The following SHANK1 variants were observed in gnomAD, a reference collection of about 807,000 sequenced individuals.
SHANK1 encodes SH3 and multiple ankyrin repeat domains 1.
SHANK1 carries 35 observed loss-of-function variants against 165.6 expected under a neutral mutation model. That is an observed-to-expected ratio of 0.21 (90% confidence interval 0.16 to 0.28). SHANK1 has a LOEUF of 0.28. Among genes scored for constraint, SHANK1 ranks in the 10% least tolerant of loss-of-function variants. The pLI is 1.00. For missense variants in SHANK1, 2,681 were observed against 3,036.4 expected (o/e 0.88, Z 2.75); for synonymous variants, 1,428 against 1,384.8 (o/e 1.03, Z -0.69).
chr19:50,693,991 C>T (rs1456797180), intron 15 of SHANK1, among the ~76,000 whole-genome samples: 1 of 151,370 alleles, frequency 6.6e-6, no homozygotes, highest in Non-Finnish European at 1.5e-5. Flanking sequence ...CAGCCGCAGT[C>T]CCTGGGACAG....
At position 50,717,110 on chromosome 19, in the gene SHANK1, C is replaced by G; in HGVS notation, c.-43-148G>C. 1 of 568,592 alleles carries G rather than the reference C, an allele frequency of 1.8e-6. No individual in the cohort carries two copies. The highest frequency in any genetic ancestry group is 2.7e-6 in the Non-Finnish European group (1 of 367,902). The allele number at this position is 568,592 out of a possible 1,614,324, so 35.2% of individuals were successfully genotyped here. A position where few individuals can be genotyped will look rare whatever the true frequency, so the allele number is the denominator to read the frequency against. ...AGGCTGGACACACCCTCGGCCTGCA[C>G]GGCCTCCCCTGCCGCCTCCTCCCAC... is the stretch of plus-strand genomic sequence containing the variant. On this transcript the variant is annotated intron_variant, in intron 1 of 23. Transcript: ENST00000293441. This position sits in a 1 kb window ranked among gnomAD's most constrained non-coding sequence, Gnocchi z 5.5.
rs558600220 is a variant in SHANK1 at position 50,690,720 on chromosome 19, G to A, written c.1965-1441C>T. Among the ~76,000 whole-genome samples, 13 of 151,710 alleles carry A rather than the reference G, an allele frequency of 8.6e-5. No individual in the cohort carries two copies. In the South Asian group the frequency reaches 1.7e-3, roughly 20 times the overall value. ...GTCCTCGAATACTCCAGTATGTTTCGGCAACCCCCACACATCCCAGTATGT... is the reference window on the plus strand; with the variant it reads ...GTCCTCGAATACTCCAGTATGTTTCAGCAACCCCCACACATCCCAGTATGT... On this transcript the variant is annotated intron_variant, in intron 15 of 23. Transcript: ENST00000293441. This position sits in a 1 kb window ranked among gnomAD's most constrained non-coding sequence, Gnocchi z 4.9.
chr19:50,703,050 C>G (rs2088887685), intron 11 of SHANK1, among the ~76,000 whole-genome samples: 1 of 152,156 alleles, frequency 6.6e-6, no homozygotes, highest in African/African-American at 2.4e-5. Context: ...TCGGGACACG[C>G]CTGGCTGGCC....
Position 50,697,912 on chromosome 19 carries a change from C to T in SHANK1, c.1792G>A (p.Gly598Ser), listed in dbSNP as rs776203540. 6 of 1,614,116 alleles carry T rather than the reference C, an allele frequency of 3.7e-6. No homozygotes were observed. The highest frequency in any genetic ancestry group is 5.1e-6 in the Non-Finnish European group (6 of 1,180,006). Residue 598 changes from glycine to serine, a missense_variant, in exon 13 of 24, where the codon GGT (glycine) becomes AGT (serine). Coordinates refer to ENST00000293441, the MANE Select transcript of SHANK1 (RefSeq NM_016148.5). The surrounding 1 kb of genome is among the most constrained non-coding windows in gnomAD (Gnocchi z 4.7). ...TCAGAGGGGAACCAGCCAACACGAC[C>T]TTTGACCTGGCCTTCCCAGAAGCCT... ...EGGFWEGQVK[G>S]RVGWFPSDCL...
rs1018557218 is a variant in SHANK1 at position 50,716,979 on chromosome 19, C to T, written c.-43-17G>A. 7.2e-6 allele frequency: 10 copies of T among 1,394,624 alleles called. No individual in the cohort carries two copies. Among genetic ancestry groups the T allele is most frequent in the South Asian group, 3.4e-5 (2 of 59,094 alleles). 86.4% of individuals were successfully genotyped at this position (1,394,624 alleles called of 1,614,324 possible). On this transcript the variant is annotated splice_polypyrimidine_tract_variant and intron_variant, in intron 1 of 23. Coordinates refer to ENST00000293441, the MANE Select transcript of SHANK1 (RefSeq NM_016148.5). The surrounding 1 kb of genome is among the most constrained non-coding windows in gnomAD (Gnocchi z 8.4). ...CACAGGCGGCTGCAGGGGCCAAGGG[C>T]GGCCATCAGACTAGGAGCCCGGGAC... is the stretch of plus-strand genomic sequence containing the variant.
At chr19:50,709,534 C>T (rs2088983722) in intron 8 of SHANK1, among the ~76,000 whole-genome samples, 2 of 151,690 alleles carry the variant, frequency 1.3e-5, no homozygotes, top group African/African-American at 2.4e-5. Context: ...ACTAAGAAAA[C>T]TCTGCCTGCT....
rs551408867 is a variant in SHANK1 at position 50,686,631 on chromosome 19, C to T, written c.2458+113G>A. The T allele has an allele frequency of 1.3e-5, 13 of 1,018,860 alleles. No individual in the cohort carries two copies. In the South Asian group the frequency reaches 1.6e-4, roughly 13 times the overall value. 63.1% of individuals were successfully genotyped at this position (1,018,860 alleles called of 1,614,324 possible). On this transcript the variant is annotated intron_variant, in intron 20 of 23. Coordinates refer to ENST00000293441, the MANE Select transcript of SHANK1 (RefSeq NM_016148.5). This position sits in a 1 kb window ranked among gnomAD's most constrained non-coding sequence, Gnocchi z 5.7. Reference sequence around the variant, plus strand: ...GGAGGGAGGGGAGGTGGGATCGCAGCCTCTCTGGGGCAGGAAGGTGAGGGG... The same window carrying T: ...GGAGGGAGGGGAGGTGGGATCGCAGTCTCTCTGGGGCAGGAAGGTGAGGGG...
Position 50,686,937 on chromosome 19 carries a change from G to A in SHANK1, c.2390-125C>T, listed in dbSNP as rs1364724593. The A allele has an allele frequency of 1.5e-6, 2 of 1,369,658 alleles. No individual in the cohort carries two copies. Among genetic ancestry groups the A allele is most frequent in the Non-Finnish European group, 9.8e-7 (1 of 1,024,586 alleles). The allele number at this position is 1,369,658 out of a possible 1,614,324, so 84.8% of individuals were successfully genotyped here. On this transcript the variant is annotated intron_variant, in intron 19 of 23. Coordinates refer to ENST00000293441, the MANE Select transcript of SHANK1 (RefSeq NM_016148.5). The surrounding 1 kb of genome is among the most constrained non-coding windows in gnomAD (Gnocchi z 5.7). ...GTGGCGGGCGCGAGAGGGGCAGTGAGGGGCCGGGGTCAGGGAGGGGCGAGT... is the reference window on the plus strand; with the variant it reads ...GTGGCGGGCGCGAGAGGGGCAGTGAAGGGCCGGGGTCAGGGAGGGGCGAGT...
chr19:50,668,318 C>A lies in SHANK1; in HGVS notation c.3642G>T (p.Val1214=). 7.8e-7 allele frequency: 1 copy of A among 1,279,220 alleles called. No homozygotes were observed. The allele number at this position is 1,279,220 out of a possible 1,614,324, so 79.2% of individuals were successfully genotyped here. ...GGCCGCTGGGCGAGGCGGGGGTGGGCACGGGCGAGGGGGACGGGGGCACGG... is the reference window on the plus strand; with the variant it reads ...GGCCGCTGGGCGAGGCGGGGGTGGGAACGGGCGAGGGGGACGGGGGCACGG... ...MSPVPPSPSP[V]PTPASPSGPA... is the part of the protein sequence containing the mutation. Residue 1214 remains valine (V), a synonymous_variant, in exon 23 of 24, where the codon GTG becomes GTT. Coordinates refer to ENST00000293441, the MANE Select transcript of SHANK1 (RefSeq NM_016148.5).
intron 21 of SHANK1, among the ~76,000 whole-genome samples, chr19:50,683,217 T>C (rs1986229731): frequency 6.6e-6 from 1 of 152,142 alleles, no homozygotes; most frequent in South Asian, 2.1e-4. Context: ...TTGGGCAGTA[T>C]TTGCTGCTGG....
At position 50,713,898 on chromosome 19, in the gene SHANK1, C is replaced by T. The variant is rs367815075; in HGVS notation, c.692G>A (p.Arg231Gln). 62 of 1,613,866 alleles carry T rather than the reference C, an allele frequency of 3.8e-5. No individual in the cohort carries two copies. Among genetic ancestry groups the T allele is most frequent in the Non-Finnish European group, 5.1e-5 (60 of 1,179,932 alleles). Residue 231 changes from arginine to glutamine, a missense_variant, in exon 6 of 24, where the codon CGA (arginine) becomes CAA (glutamine). This residue lies in a region of SHANK1 where 189 missense variants were observed against 440.9 expected (regional missense o/e 0.43). Transcript: ENST00000293441. This position sits in a 1 kb window ranked among gnomAD's most constrained non-coding sequence, Gnocchi z 6.2. ...AQTEGSVEVIRTLCLGGAHID... is the reference protein window; with the variant it reads ...AQTEGSVEVIQTLCLGGAHID... ...GTGGGCCCCGCCCAGGCACAGGGTT[C>T]GAATCACCTCTACAGAGCCTTCGGT... is the stretch of plus-strand genomic sequence containing the variant.
At chr19:50,701,438 C>A (rs1986913112) in intron 12 of SHANK1, among the ~76,000 whole-genome samples, 1 of 151,744 alleles carries the variant, frequency 6.6e-6, no homozygotes, top group Admixed American at 6.6e-5. Flanking sequence ...GGTGATCCAC[C>A]CTCCTCGGCC....
At chr19:50,699,964 G>A (rs1986859339) in intron 12 of SHANK1, among the ~76,000 whole-genome samples, 1 of 134,452 alleles carries the variant, frequency 7.4e-6, no homozygotes, top group Non-Finnish European at 1.6e-5. Context: ...GGATTGGAGG[G>A]CTCGGGGCAT....
Position 50,688,614 on chromosome 19 carries a change from C to T in SHANK1, c.2172+230G>A, listed in dbSNP as rs913419757. Among the ~76,000 whole-genome samples, 2 of 152,172 alleles carry T rather than the reference C, an allele frequency of 1.3e-5. No individual in the cohort carries two copies. The highest frequency in any genetic ancestry group is 2.9e-5 in the Non-Finnish European group (2 of 68,034). ...TGAGCCGCTGTGCCTGGCCATCCCCCGGTATTGTGTATGTGTTGGGGACAG... is the reference window on the plus strand; with the variant it reads ...TGAGCCGCTGTGCCTGGCCATCCCCTGGTATTGTGTATGTGTTGGGGACAG... On this transcript the variant is annotated intron_variant, in intron 17 of 23. Transcript: ENST00000293441. This position sits in a 1 kb window ranked among gnomAD's most constrained non-coding sequence, Gnocchi z 6.7.
At chr19:50,683,029 G>GC (rs2123120095) in intron 21 of SHANK1, among the ~76,000 whole-genome samples, 1 of 152,118 alleles carries the variant, frequency 6.6e-6, no homozygotes, top group Non-Finnish European at 1.5e-5. Flanking sequence ...TGGGATTTTT[G>GC]CCATGTTGCC....
At position 50,690,221 on chromosome 19, in the gene SHANK1, A is replaced by G. The variant is rs1986498848; in HGVS notation, c.1965-942T>C. On this transcript the variant is annotated intron_variant, in intron 15 of 23. Coordinates refer to ENST00000293441, the MANE Select transcript of SHANK1 (RefSeq NM_016148.5). The surrounding 1 kb of genome is among the most constrained non-coding windows in gnomAD (Gnocchi z 4.9). Reference sequence around the variant, plus strand: ...CAAAGCACCCATGAATATGGGTGGTAGTTTCCAGTAAAGCCATCAAATGCC... The same window carrying G: ...CAAAGCACCCATGAATATGGGTGGTGGTTTCCAGTAAAGCCATCAAATGCC... Among the ~76,000 whole-genome samples the G allele has an allele frequency of 6.6e-6, 1 of 152,154 alleles. No individual in the cohort carries two copies. The highest frequency in any genetic ancestry group is 2.4e-5 in the African/African-American group (1 of 41,422).
rs142521958 is a variant in SHANK1, at chr19:50,685,740, T to A, written c.2577+497A>T. Among the ~76,000 whole-genome samples the A allele has an allele frequency of 8.3e-3, 1,257 of 151,860 alleles. 23 individuals are homozygous for A. Among genetic ancestry groups the A allele is most frequent in the African/African-American group, 0.028 (1,178 of 41,388 alleles). Reference sequence around the variant, plus strand: ...CTCAGTCTCAAAATAAATAAATAAATAAATAAAAATTGAAAAATAAAATAA... The same window carrying A: ...CTCAGTCTCAAAATAAATAAATAAAAAAATAAAAATTGAAAAATAAAATAA... On this transcript the variant is annotated intron_variant, in intron 21 of 23. Transcript: ENST00000293441.
intron 23 of SHANK1, among the ~76,000 whole-genome samples, chr19:50,663,880 T>C (rs1271344325): frequency 6.6e-6 from 1 of 151,958 alleles, no homozygotes; most frequent in East Asian, 1.9e-4. Flanking sequence ...GTAGGAGCAT[T>C]GATTCAAGTT....
Position 50,689,194 on chromosome 19 carries a change from C to T in SHANK1, c.2047+3G>A. The T allele has an allele frequency of 6.2e-7, 1 of 1,607,902 alleles. No individual in the cohort carries two copies. Among genetic ancestry groups the T allele is most frequent in the Non-Finnish European group, 8.5e-7 (1 of 1,175,132 alleles). On this transcript the variant is annotated splice_donor_region_variant and intron_variant, in intron 16 of 23. Transcript: ENST00000293441. ...TCCCATCCCCTCCCCGGCTGGCACT[C>T]ACCCTTGGCCCCCCGGAGCACGAAC...
Sources: gnomAD v4.1 joint callset for allele counts (sites outside exome capture counted in the v4.1 genomes callset) on GRCh38, gnomAD v4.1.1 for gene constraint, gnomAD v4.1.1 regional missense constraint, Gnocchi (gnomAD v3.1) non-coding constraint, MANE v1.5 for transcripts, NCBI Gene and HGNC (gene_info 2026-07-23, HGNC 2026-07-21) for gene names.